Variants in KCTD19 observed in about 807,000 individuals in gnomAD.
KCTD19 encodes the protein BTB/POZ domain-containing protein KCTD19.
In KCTD19, 67 loss-of-function variants were observed where a neutral mutation model predicts 103.5. That is an observed-to-expected ratio of 0.65 (90% CI 0.53 to 0.79). The LOEUF (loss-of-function observed/expected upper bound fraction) is 0.79. Ranked by LOEUF, KCTD19 falls within the 30% of genes least tolerant of loss-of-function variation. The pLI is 0.00. For synonymous variants in KCTD19, 439 were observed against 452.2 expected, an observed-to-expected ratio of 0.97 and a Z score of 0.37; for missense variants, 980 against 1,136.1, an observed-to-expected ratio of 0.86 and a Z score of 1.98.
intron 5 of KCTD19, chr16:67,301,325 G>C (rs560312815): frequency 6.5e-6 from 1 of 155,022 alleles, no homozygotes; most frequent in African/African-American, 2.4e-5. Context: ...GAGGTGACGA[G>C]GGAATTTGGG....
At chr16:67,299,198 C>T (rs1051268742) in intron 6 of KCTD19, among the ~76,000 whole-genome samples, 165 bp downstream of exon 6, 1 of 152,226 alleles carries the variant, frequency 6.6e-6, no homozygotes, top group South Asian at 2.1e-4. Flanking sequence ...GAGGCCCTAA[C>T]CTGGTGGTAG....
intron 1 of KCTD19, among the ~76,000 whole-genome samples, chr16:67,325,683 A>G (rs1317110615): frequency 6.6e-6 from 1 of 152,068 alleles, no homozygotes; most frequent in East Asian, 1.9e-4. Context: ...TTTCCCAAAG[A>G]CTACTCAGGG....
intron 2 of KCTD19, among the ~76,000 whole-genome samples, chr16:67,316,323 G>C (rs1201658722): frequency 6.6e-6 from 1 of 152,182 alleles, no homozygotes; most frequent in African/African-American, 2.4e-5. Flanking sequence ...GCAGGTGTGA[G>C]ACACCATGCC....
chr16:67,325,390 A>AT (rs1388107975), intron 1 of KCTD19, among the ~76,000 whole-genome samples: 5 of 148,610 alleles, frequency 3.4e-5, no homozygotes, highest in Admixed American at 2.7e-4. Context: ...ATTTTATTTT[A>AT]TTTTATTTTA....
Position 67,323,504 on chromosome 16 carries a change from C to CA in KCTD19, c.4-2620dup, listed in dbSNP as rs1225449653. Among the ~76,000 whole-genome samples the CA allele has an allele frequency of 6.6e-6, 1 of 152,080 alleles. No individual in the cohort carries two copies. Among genetic ancestry groups the CA allele is most frequent in the Non-Finnish European group, 1.5e-5 (1 of 68,026 alleles). On this transcript the variant is annotated intron_variant, in intron 1 of 15. Transcript: ENST00000304372. The surrounding 1 kb of genome is among the most constrained non-coding windows in gnomAD (Gnocchi z 4.1). ...TGCCATTGCACTCCAGCCTGGGCGT[C>CA]AGAGTGAGGCACGTCTCTAAAAAAA...
chr16:67,313,461 T>C (rs1239344811), intron 2 of KCTD19, among the ~76,000 whole-genome samples: 1 of 152,220 alleles, frequency 6.6e-6, no homozygotes, highest in Non-Finnish European at 1.5e-5. Context: ...TTTTTGATTT[T>C]TTTTCAACCA....
rs569283663 is a variant in KCTD19 at position 67,306,493 on chromosome 16, T to C, written c.301-1922A>G. Among the ~76,000 whole-genome samples, 10 of 152,292 alleles carry C rather than the reference T, an allele frequency of 6.6e-5. 1 individual carries two copies. The highest frequency in any genetic ancestry group is 1.4e-4 in the African/African-American group (6 of 41,570). ...GTTGGCCAGGCTGGTCTCAAACTCC[T>C]GGCCTCAAATGATCCACCAGCCTCG... On this transcript the variant is annotated intron_variant, in intron 2 of 15. Coordinates refer to ENST00000304372, the MANE Select transcript of KCTD19 (RefSeq NM_001100915.3).
At chr16:67,316,858 G>T (rs916890067) in intron 2 of KCTD19, among the ~76,000 whole-genome samples, 1 of 151,370 alleles carries the variant, frequency 6.6e-6, no homozygotes, top group Non-Finnish European at 1.5e-5. Context: ...GGAGTTGGGG[G>T]ATTTGGGGAA....
intron 1 of KCTD19, among the ~76,000 whole-genome samples, chr16:67,324,993 T>C (rs2037117518): frequency 6.6e-6 from 1 of 152,118 alleles, no homozygotes; most frequent in Admixed American, 6.6e-5. Flanking sequence ...ATGGAGTGAC[T>C]AAGGGTCTCA....
intron 2 of KCTD19, among the ~76,000 whole-genome samples, chr16:67,306,185 G>T (rs2036891269): frequency 6.6e-6 from 1 of 152,164 alleles, no homozygotes; most frequent in Non-Finnish European, 1.5e-5. Context: ...AGATATGAAA[G>T]ACCACAATTT....
At position 67,293,954 on chromosome 16, in the gene KCTD19, C is replaced by T; in HGVS notation, c.1808G>A (p.Ser603Asn). The change falls in exon 12 of 16, where the codon AGC becomes AAC. Residue 603 changes from serine (S) to asparagine (N), a missense_variant. Transcript: ENST00000304372. This position sits in a 1 kb window ranked among gnomAD's most constrained non-coding sequence, Gnocchi z 4.0. ...CTTCTTTGGGGGGCTCTCAGGGTGG[C>T]TCCCCCAGTGTCCAGGATTGGTACA... ...GLCTNPGHWG[S>N]HPESPPKKKC... 9 of 1,614,076 alleles carry T rather than the reference C, an allele frequency of 5.6e-6. No individual in the cohort carries two copies. Among genetic ancestry groups the T allele is most frequent in the Non-Finnish European group, 7.6e-6 (9 of 1,180,030 alleles).
At chr16:67,318,036 G>A (rs149554558) in intron 2 of KCTD19, among the ~76,000 whole-genome samples, 1 of 152,290 alleles carries the variant, frequency 6.6e-6, no homozygotes, top group East Asian at 1.9e-4. Flanking sequence ...GGTGACTGTT[G>A]GTTCCCAGCT....
intron 2 of KCTD19, among the ~76,000 whole-genome samples, chr16:67,312,228 T>C (rs2036957250): frequency 1.3e-5 from 2 of 152,188 alleles, no homozygotes; most frequent in South Asian, 4.1e-4. Context: ...AAAGAATCGA[T>C]AATTTGCCAT....
At chr16:67,297,419 C>T (rs1324048391) in intron 7 of KCTD19, 84 bp downstream of exon 7, 10 of 1,358,590 alleles carry the variant, frequency 7.4e-6, no homozygotes, top group South Asian at 4.0e-5. Flanking sequence ...TACAGTTCCT[C>T]GTCCTGGCCA....
intron 2 of KCTD19, among the ~76,000 whole-genome samples, chr16:67,314,849 A>AGAGG (rs2036991310): frequency 2.2e-5 from 3 of 138,420 alleles, no homozygotes; most frequent in Non-Finnish European, 4.5e-5. Flanking sequence ...AGAGAGAGAG[A>AGAGG]GAGAGAGAGA....
chr16:67,301,788 T>C lies in KCTD19; in HGVS notation c.775+3A>G, dbSNP rs746898885. 6.2e-6 allele frequency: 10 copies of C among 1,613,550 alleles called. No homozygotes were observed. In the South Asian group the frequency reaches 1.1e-4, roughly 18 times the overall value. On this transcript the variant is annotated splice_donor_region_variant and intron_variant, in intron 5 of 15. Transcript: ENST00000304372. ...GGGGAGCCAAGGTTTCCTGGCGACA[T>C]ACCCATGTTCATCCGGTACCACCTT...
rs1430596861 is a variant in KCTD19, at chr16:67,303,225, T to G, written c.564A>C (p.Leu188=). 2 of 1,613,350 alleles carry G rather than the reference T, an allele frequency of 1.2e-6. No individual in the cohort carries two copies. The highest frequency in any genetic ancestry group is 3.3e-5 in the Admixed American group (2 of 59,896). Residue 188 remains leucine, a synonymous_variant, in exon 4 of 16, where the codon CTA becomes CTC. Coordinates refer to ENST00000304372, the MANE Select transcript of KCTD19 (RefSeq NM_001100915.3). This position sits in a 1 kb window ranked among gnomAD's most constrained non-coding sequence, Gnocchi z 4.3. ...PLDLVAKYPS[L]VTEDNLLWLA... The stretch of plus-strand genomic sequence containing the variant: ...GCCACAGCAGGTTGTCTTCAGTCAC[T>G]AGGCTGGGATATTTGGCCACCAGGT...
intron 2 of KCTD19, among the ~76,000 whole-genome samples, chr16:67,314,263 T>C (rs903286613): frequency 2.8e-5 from 4 of 145,436 alleles, no homozygotes; most frequent in South Asian, 2.4e-4. Context: ...TTCCCTTCCC[T>C]TCCTTCCTTT....
chr16:67,291,754 C>G lies in KCTD19; in HGVS notation c.2302G>C (p.Val768Leu). 4 of 1,613,910 alleles carry G rather than the reference C, an allele frequency of 2.5e-6. No homozygotes were observed. The highest frequency in any genetic ancestry group is 3.4e-6 in the Non-Finnish European group (4 of 1,179,916). The change falls in exon 13 of 16, where the codon GTG becomes CTG. Residue 768 changes from valine (V) to leucine (L), a missense_variant. Val to Leu is a conservative substitution (Grantham distance 32, BLOSUM62 1). Coordinates refer to ENST00000304372, the MANE Select transcript of KCTD19 (RefSeq NM_001100915.3). ...ATGCAGAAGCCATCGCTGCCCACCA[C>G]GGGGGGGTGAGTCACTTTGAGGATA... ...GVILKVTHPP[V>L]VGSDGFCMFF...
Sources: gnomAD v4.1 joint callset for allele counts (sites outside exome capture counted in the v4.1 genomes callset) on GRCh38, gnomAD v4.1.1 for gene constraint, Gnocchi (gnomAD v3.1) non-coding constraint, MANE v1.5 for transcripts, NCBI Gene and HGNC (gene_info 2026-07-23, HGNC 2026-07-21) for gene names.